C12orf56: variants seen among roughly 807,000 people sequenced by gnomAD.
The protein encoded by C12orf56 is chromosome 12 open reading frame 56.
C12orf56 carries 71 observed loss-of-function variants against 69.9 expected under a neutral mutation model. The ratio of observed to expected loss-of-function variants is 1.02; its 90% CI spans 0.84 to 1.24. C12orf56 has a LOEUF of 1.24. Ranked by LOEUF, C12orf56 falls within the 50% of genes most tolerant of loss-of-function variation. The pLI is 0.00. For synonymous variants in C12orf56, 276 were observed against 274.1 expected (o/e 1.01, Z -0.07); for missense variants, 732 against 738.5 (o/e 0.99, Z 0.10).
chr12:64,279,172 A>C (rs149680902), intron 8 of C12orf56, among the ~76,000 whole-genome samples: 10 of 152,244 alleles, frequency 6.6e-5, no homozygotes, highest in Non-Finnish European at 1.5e-4. Context: ...TGCCCACCTC[A>C]GCCTCTCAAA....
Position 64,303,618 on chromosome 12 carries a change from TA to T in C12orf56, c.1113+16del. The T allele has an allele frequency of 6.6e-7, 1 of 1,510,800 alleles. No homozygotes were observed. Among genetic ancestry groups the T allele is most frequent in the Non-Finnish European group, 8.8e-7 (1 of 1,132,866 alleles). 93.6% of individuals were successfully genotyped at this position (1,510,800 alleles called of 1,614,324 possible). A position where few individuals can be genotyped will look rare whatever the true frequency, so the allele number is the denominator to read the frequency against. On this transcript the variant is annotated intron_variant, in intron 6 of 12. Coordinates refer to ENST00000543942, the MANE Select transcript of C12orf56 (RefSeq NM_001170633.2). ...AAACACAAACTTTAAAGATTAAAAA[TA>T]AAACAAAACACTTACCTTCCAGAAA...
At chr12:64,323,081 A>G (rs1016540728) in intron 3 of C12orf56, among the ~76,000 whole-genome samples, 8 of 152,180 alleles carry the variant, frequency 5.3e-5, no homozygotes, top group Non-Finnish European at 1.2e-4. Context: ...TGGTGGTGGA[A>G]GCTGTAAAAT....
chr12:64,342,964 T>A (rs894889706), intron 2 of C12orf56, among the ~76,000 whole-genome samples: 4 of 152,226 alleles, frequency 2.6e-5, no homozygotes, highest in African/African-American at 9.6e-5. Context: ...CACAGCAGCC[T>A]GGACCTGTTG....
intron 1 of C12orf56, among the ~76,000 whole-genome samples, chr12:64,388,477 A>G (rs1034747914): frequency 6.6e-6 from 1 of 152,100 alleles, no homozygotes; most frequent in Admixed American, 6.6e-5. Context: ...TCCTAGGCTC[A>G]TGTGATTCCC....
intron 3 of C12orf56, among the ~76,000 whole-genome samples, chr12:64,325,608 G>A (rs528374383): frequency 3.9e-5 from 6 of 152,126 alleles, no homozygotes; most frequent in South Asian, 2.1e-4. Flanking sequence ...TCTGAGCTTC[G>A]GGATTATCTT....
chr12:64,349,188 C>A (rs984181821), intron 2 of C12orf56, among the ~76,000 whole-genome samples: 2 of 152,082 alleles, frequency 1.3e-5, no homozygotes, highest in African/African-American at 4.8e-5. Context: ...ATAAAACAAT[C>A]CTATCAAAAA....
At position 64,273,037 on chromosome 12, in the gene C12orf56, C is replaced by T. The variant is rs116803530; in HGVS notation, c.1584+1864G>A. Among the ~76,000 whole-genome samples the T allele has an allele frequency of 4.5e-3, 692 of 152,242 alleles. 4 individuals are homozygous for T. The highest frequency in any genetic ancestry group is 0.016 in the African/African-American group (649 of 41,534). On this transcript the variant is annotated intron_variant, in intron 11 of 12. Transcript: ENST00000543942. ...AACAGGCCGGGCACAGTGGCTCATG[C>T]CTGTAATAGCAATTTGGGAGGCCAA...
chr12:64,341,276 G>C (rs551437842), intron 2 of C12orf56, among the ~76,000 whole-genome samples: 5 of 152,300 alleles, frequency 3.3e-5, no homozygotes, highest in Non-Finnish European at 5.9e-5. Context: ...ATCTCTAGGG[G>C]TGATGGTGAG....
chr12:64,285,586 G>A (rs925414844), intron 7 of C12orf56, among the ~76,000 whole-genome samples: 1 of 152,096 alleles, frequency 6.6e-6, no homozygotes, highest in East Asian at 1.9e-4. Context: ...TCAGGAGTTC[G>A]AGACCAGCCT....
intron 5 of C12orf56, among the ~76,000 whole-genome samples, chr12:64,306,611 C>T (rs1356528464): frequency 2.0e-5 from 3 of 151,928 alleles, no homozygotes; most frequent in Non-Finnish European, 2.9e-5. Context: ...TCAAGTAATC[C>T]GCCCACCTCA....
At chr12:64,328,693 AAAAAAAAAAAAAAATATAT>A (rs1436177034) in intron 3 of C12orf56, among the ~76,000 whole-genome samples, 3 of 21,050 alleles carry the variant, frequency 1.4e-4, no homozygotes, top group African/African-American at 3.5e-4. Flanking sequence ...AAAAAAAAAA[AAAAAAAAAAAAAAATATAT>A]ATATATATAT....
At chr12:64,353,632 T>C (rs1318167185) in intron 1 of C12orf56, among the ~76,000 whole-genome samples, 1 of 152,204 alleles carries the variant, frequency 6.6e-6, no homozygotes, top group Admixed American at 6.5e-5. Context: ...CACTAAGTGT[T>C]TTGTTACAGT....
rs779053983 is a variant in C12orf56, at chr12:64,318,627, G to A, written c.842C>T (p.Thr281Ile). The A allele has an allele frequency of 2.0e-5, 31 of 1,536,798 alleles. No homozygotes were observed. In the South Asian group the frequency reaches 3.5e-4, roughly 17 times the overall value. ...ESELHLYVIS[T>I]TSSIFLHLKS... Reference sequence around the variant, plus strand: ...TAAGTGCAGAAATATTGATGAGGTTGTGGAAATAACATACAAATGAAGTTC... The same window carrying A: ...TAAGTGCAGAAATATTGATGAGGTTATGGAAATAACATACAAATGAAGTTC... The change falls in exon 4 of 13, where the codon ACA (threonine) becomes ATA (isoleucine). Residue 281 changes from threonine (T) to isoleucine (I), a missense_variant. By Grantham distance (89) the Thr-to-Ile change is moderately conservative (BLOSUM62 -1). Coordinates refer to ENST00000543942, the MANE Select transcript of C12orf56 (RefSeq NM_001170633.2).
intron 1 of C12orf56, among the ~76,000 whole-genome samples, chr12:64,386,396 A>ATTTT (rs1350884087): frequency 6.0e-5 from 4 of 66,774 alleles, no homozygotes; most frequent in African/African-American, 2.8e-4. Flanking sequence ...ATATATATAT[A>ATTTT]TATTTTTTTT....
At chr12:64,387,077 C>CAACAAAAAAAAAAAAAAAAAAAAAA (rs1201123599) in intron 1 of C12orf56, among the ~76,000 whole-genome samples, 1 of 42,106 alleles carries the variant, frequency 2.4e-5, no homozygotes, top group Admixed American at 4.6e-4. Context: ...GACTCTATCT[C>CAACAAAAAAAAAAAAAAAAAAAAAA]AAAAAAAAAA....
At chr12:64,314,871 C>T (rs1050991888) in intron 4 of C12orf56, among the ~76,000 whole-genome samples, 1 of 149,656 alleles carries the variant, frequency 6.7e-6, no homozygotes, top group African/African-American at 2.5e-5. Context: ...TCCTGACCTC[C>T]TGATCCGCCC....
At chr12:64,295,974 A>T (rs923859454) in intron 6 of C12orf56, among the ~76,000 whole-genome samples, 9 of 152,192 alleles carry the variant, frequency 5.9e-5, no homozygotes, top group Non-Finnish European at 1.3e-4. Context: ...TGGCTAAATT[A>T]GGAGTACCTA....
At chr12:64,346,368 A>G (rs1484949135) in intron 2 of C12orf56, among the ~76,000 whole-genome samples, 1 of 152,070 alleles carries the variant, frequency 6.6e-6, no homozygotes, top group African/African-American at 2.4e-5. Flanking sequence ...AGCTGATTAG[A>G]TTATGCCCAC....
chr12:64,269,401 C>G lies in C12orf56; in HGVS notation c.1763+1135G>C, dbSNP rs73327123. ...AACCCCTGAGGTGCAGGAGAACAGGCTGGCAGATGAAGCCAATGCTGGCTA... is the reference window on the plus strand; with the variant it reads ...AACCCCTGAGGTGCAGGAGAACAGGGTGGCAGATGAAGCCAATGCTGGCTA... On this transcript the variant is annotated intron_variant, in intron 12 of 12. Transcript: ENST00000543942. Among the ~76,000 whole-genome samples the G allele has an allele frequency of 1.2e-3, 188 of 152,298 alleles. 3 individuals are homozygous for G. The highest frequency in any genetic ancestry group is 4.3e-3 in the African/African-American group (179 of 41,568).
Sources: gnomAD v4.1 joint callset for allele counts (sites outside exome capture counted in the v4.1 genomes callset) on GRCh38, gnomAD v4.1.1 for gene constraint, MANE v1.5 for transcripts, NCBI Gene and HGNC (gene_info 2026-07-23, HGNC 2026-07-21) for gene names.